Variants in PALD1 observed in about 807,000 individuals in gnomAD.
PALD1 encodes paladin.
A neutral mutation model predicts 96.0 loss-of-function variants in PALD1; 57 were observed. The ratio of observed to expected loss-of-function variants is 0.59; its 90% CI spans 0.48 to 0.74. PALD1 has a LOEUF of 0.74. PALD1 is among the 30% of genes least tolerant of loss of function. The pLI is 0.00. For missense variants in PALD1, 1,063 were observed against 1,143.7 expected, an observed-to-expected ratio of 0.93 and a Z score of 1.02; for synonymous variants, 464 against 473.6, an observed-to-expected ratio of 0.98 and a Z score of 0.26.
At chr10:70,505,225 C>T (rs1026860296) in intron 1 of PALD1, among the ~76,000 whole-genome samples, 2 of 152,236 alleles carry the variant, frequency 1.3e-5, no homozygotes, top group Non-Finnish European at 2.9e-5. Flanking sequence ...GCTCCAAGCT[C>T]CAACTTTATT....
intron 17 of PALD1, among the ~76,000 whole-genome samples, chr10:70,543,768 T>A (rs1195359895): frequency 6.6e-6 from 1 of 152,164 alleles, no homozygotes; most frequent in Non-Finnish European, 1.5e-5. Flanking sequence ...GGCCTCTCCT[T>A]CTTCACACCA....
intron 18 of PALD1, among the ~76,000 whole-genome samples, chr10:70,550,723 C>T (rs7086334): frequency 0.58 from 88,718 of 152,074 alleles, 26,952 homozygotes; most frequent in East Asian, 0.98. Context: ...AATCATACAC[C>T]ATGTGGTCCT....
At chr10:70,483,941 C>T (rs754161114) in intron 1 of PALD1, among the ~76,000 whole-genome samples, 9 of 152,202 alleles carry the variant, frequency 5.9e-5, no homozygotes, top group East Asian at 1.9e-4. Flanking sequence ...CTGAGTGCCA[C>T]CTTCCATGAT....
chr10:70,486,209 CTT>C (rs796805815), intron 1 of PALD1: 22 of 149,006 alleles, frequency 1.5e-4, no homozygotes, highest in South Asian at 1.9e-4. Flanking sequence ...AAGTCAATAT[CTT>C]TTTTTTTTTT....
Position 70,533,058 on chromosome 10 carries a change from C to T in PALD1, c.858C>T (p.Val286=). 1.3e-6 allele frequency: 2 copies of T among 1,580,646 alleles called. No homozygotes were observed. Among genetic ancestry groups the T allele is most frequent in the Non-Finnish European group, 8.6e-7 (1 of 1,162,554 alleles). ...TGGAGGCCCAGTTGGACGCCTTTGT[C>T]AGTGTTCTCCGGGTAACTGGGGCAC... ...SPLEAQLDAF[V]SVLRETPSLL... is the part of the protein sequence containing the mutation. Residue 286 remains valine (V), a synonymous_variant, in exon 7 of 20, where the codon GTC becomes GTT. Coordinates refer to ENST00000263563, the MANE Select transcript of PALD1 (RefSeq NM_014431.3).
chr10:70,534,970 G>A (rs1052490285), intron 10 of PALD1, 127 bp downstream of exon 10: 5 of 683,610 alleles, frequency 7.3e-6, no homozygotes, highest in Non-Finnish European at 1.1e-5. Context: ...CATGAGAAGA[G>A]CAGTTTTCAG....
At chr10:70,553,371 T>A (rs978829070) in intron 18 of PALD1, among the ~76,000 whole-genome samples, 2 of 152,064 alleles carry the variant, frequency 1.3e-5, no homozygotes, top group Non-Finnish European at 2.9e-5. Context: ...TTCCTCCAGA[T>A]TTGGATGTGG....
chr10:70,532,901 TG>T, intron 6 of PALD1, 93 bp from the exon 7 acceptor site: 1 of 1,504,230 alleles, frequency 6.6e-7, no homozygotes, highest in Non-Finnish European at 9.2e-7. Context: ...TCTCCCACAG[TG>T]GGGCCCATTT....
In PALD1 at chr10:70,567,135, C is replaced by T; in HGVS notation, c.*402C>T. On this transcript the variant is annotated 3_prime_UTR_variant, in exon 20 of 20. Coordinates refer to ENST00000263563, the MANE Select transcript of PALD1 (RefSeq NM_014431.3). ...CTGGCAGCCCCTGGCACAGAGCAGA[C>T]CCGGCCACTGGTAGCTCCCCACTTC... The T allele has an allele frequency of 5.5e-6, 1 of 181,220 alleles. No individual in the cohort carries two copies. Among genetic ancestry groups the T allele is most frequent in the Non-Finnish European group, 1.1e-5 (1 of 87,788 alleles). 11.2% of individuals were successfully genotyped at this position (181,220 alleles called of 1,614,324 possible).
At chr10:70,465,269 C>T in the PALD1 span, among the ~76,000 whole-genome samples, 3 of 152,208 alleles carry the variant, frequency 2.0e-5, no homozygotes, top group Non-Finnish European at 2.9e-5. Context: ...CCACCGCACC[C>T]GGCCTCTACA....
intron 1 of PALD1, among the ~76,000 whole-genome samples, chr10:70,523,209 G>C (rs928098424): frequency 5.3e-5 from 8 of 152,240 alleles, no homozygotes; most frequent in Non-Finnish European, 1.5e-5. Flanking sequence ...GCCCATGAGA[G>C]GTGAGGGTGG....
chr10:70,494,397 A>G (rs780264888), intron 1 of PALD1, among the ~76,000 whole-genome samples: 19 of 152,214 alleles, frequency 1.2e-4, no homozygotes, highest in Admixed American at 2.0e-4. Flanking sequence ...TTTGTAGGAT[A>G]GCTACAGGAA....
intron 1 of PALD1, among the ~76,000 whole-genome samples, chr10:70,501,839 G>GTGTGTGCGCGCA (rs1554854872): frequency 6.6e-6 from 1 of 151,302 alleles, no homozygotes; most frequent in East Asian, 1.9e-4. Context: ...GTGTGTGCGT[G>GTGTGTGCGCGCA]CGTGCATGCA....
intron 18 of PALD1, among the ~76,000 whole-genome samples, chr10:70,559,781 G>T (rs1847698111): frequency 6.6e-6 from 1 of 152,142 alleles, no homozygotes. Flanking sequence ...GGTTCACTGG[G>T]ACATGCTTTG....
intron 2 of PALD1, among the ~76,000 whole-genome samples, chr10:70,527,746 T>C (rs1846898284): frequency 6.6e-6 from 1 of 152,178 alleles, no homozygotes; most frequent in East Asian, 1.9e-4. Flanking sequence ...CTTCTAGTGC[T>C]CCTCTGCCAT....
chr10:70,506,952 C>A (rs1206318674), intron 1 of PALD1, among the ~76,000 whole-genome samples: 1 of 152,170 alleles, frequency 6.6e-6, no homozygotes, highest in Non-Finnish European at 1.5e-5. Context: ...AGGCAGTCAA[C>A]ACATGGTGGC....
At chr10:70,528,704 A>G (rs1846923660) in intron 2 of PALD1, among the ~76,000 whole-genome samples, 1 of 152,140 alleles carries the variant, frequency 6.6e-6, no homozygotes, top group Non-Finnish European at 1.5e-5. Flanking sequence ...CTCAGGACGA[A>G]GCTCATCTCT....
the PALD1 span, among the ~76,000 whole-genome samples, chr10:70,460,052 C>T: frequency 6.6e-6 from 1 of 152,230 alleles, no homozygotes; most frequent in Non-Finnish European, 1.5e-5. Context: ...TTGGCTCCAG[C>T]CCTGCCTGGC....
chr10:70,491,692 C>G (rs1414435371), intron 1 of PALD1, among the ~76,000 whole-genome samples: 1 of 152,182 alleles, frequency 6.6e-6, no homozygotes, highest in Non-Finnish European at 1.5e-5. Flanking sequence ...TTTTCAGTTC[C>G]AAAACATTTT....
Sources: allele counts gnomAD v4.1 joint callset (sites outside exome capture counted in the v4.1 genomes callset), GRCh38; gene constraint gnomAD v4.1.1; transcripts MANE v1.5; gene names NCBI Gene and HGNC (gene_info 2026-07-23, HGNC 2026-07-21).